The following AP2S1 variants were observed in gnomAD, a reference collection of about 807,000 sequenced individuals.
AP2S1 encodes AP-2 complex subunit sigma.
Under a neutral mutation model 21.0 loss-of-function variants are expected in AP2S1, and 6 were observed. That is an observed-to-expected ratio of 0.29 (90% CI 0.16 to 0.56). AP2S1 has a LOEUF of 0.56. AP2S1 is among the 20% of genes least tolerant of loss of function. The pLI is 0.92. For missense variants in AP2S1, 60 were observed against 186.2 expected (o/e 0.32, Z 3.95); for synonymous variants, 63 against 74.6 (o/e 0.84, Z 0.80).
chr19:46,838,543 G>A lies in AP2S1; in HGVS notation c.333C>T (p.Tyr111=). 1.9e-6 allele frequency: 3 copies of A among 1,614,210 alleles called. No homozygotes were observed. The highest frequency in any genetic ancestry group is 1.1e-5 in the South Asian group (1 of 91,090). ...CCAGGAACATCTCGTCCACGACCGT[G>A]TAAACCTGTGTGAGGGGAGACCCTG... is the stretch of plus-strand genomic sequence containing the variant. ...LDLVFNFYKV[Y]TVVDEMFLAG... The change falls in exon 5 of 5, where the codon TAC becomes TAT. Residue 111 remains tyrosine, a synonymous_variant. Transcript: ENST00000263270. This position sits in a 1 kb window ranked among gnomAD's most constrained non-coding sequence, Gnocchi z 4.1.
chr19:46,842,478 A>C (rs141384244), intron 2 of AP2S1, among the ~76,000 whole-genome samples: 47 of 152,290 alleles, frequency 3.1e-4, no homozygotes, highest in Non-Finnish European at 5.9e-4. Flanking sequence ...ACATTAGGTG[A>C]ATACATGCAC....
At chr19:46,840,198 C>A (rs925011825) in intron 2 of AP2S1, among the ~76,000 whole-genome samples, 3 of 151,832 alleles carry the variant, frequency 2.0e-5, no homozygotes, top group Non-Finnish European at 4.4e-5. Context: ...AACACAGACA[C>A]ACACCGTGAA....
At chr19:46,846,822 C>G (rs989305819) in intron 1 of AP2S1, among the ~76,000 whole-genome samples, 1 of 152,128 alleles carries the variant, frequency 6.6e-6, no homozygotes, top group African/African-American at 2.4e-5. Flanking sequence ...CCCGCCACCA[C>G]GCCTGGAAAA....
intron 2 of AP2S1, among the ~76,000 whole-genome samples, chr19:46,840,532 C>T (rs1393437773): frequency 6.6e-6 from 1 of 151,548 alleles, no homozygotes; most frequent in African/African-American, 2.4e-5. Context: ...CCCAGCTACT[C>T]GGGAGGCTGA....
At chr19:46,850,140 G>C (rs2055712498) in intron 1 of AP2S1, 1 of 1,231,918 alleles carries the variant, frequency 8.1e-7, no homozygotes, top group African/African-American at 1.6e-5. Flanking sequence ...TTACCTCCAG[G>C]TCCTCTCTCC....
chr19:46,849,557 T>A (rs1219981460), intron 1 of AP2S1, among the ~76,000 whole-genome samples: 1 of 151,892 alleles, frequency 6.6e-6, no homozygotes, highest in East Asian at 1.9e-4. Flanking sequence ...ACCCACAGAG[T>A]TGACAAAAAG....
chr19:46,850,690 C>T, intron 1 of AP2S1, 74 bp downstream of exon 1: 1 of 1,329,696 alleles, frequency 7.5e-7, no homozygotes, highest in Non-Finnish European at 1.1e-6. Flanking sequence ...GACTTGTCAG[C>T]GCCCGATCCA....
Position 46,838,530 on chromosome 19 carries a change from C to A in AP2S1, c.346G>T (p.Glu116Ter). Residue 116 changes from glutamate (E) to a stop codon, truncating the protein, a stop_gained, in exon 5 of 5, where the codon GAG becomes TAG. Coordinates refer to ENST00000263270, the MANE Select transcript of AP2S1 (RefSeq NM_004069.6). LOFTEE classifies it high-confidence loss of function. This position sits in a 1 kb window ranked among gnomAD's most constrained non-coding sequence, Gnocchi z 4.1. ...CGGATTTCGCCAGCCAGGAACATCT[C>A]GTCCACGACCGTGTAAACCTGTGTG... ...NFYKVYTVVD[E>*]MFLAGEIRET... The A allele has an allele frequency of 6.2e-7, 1 of 1,614,224 alleles. No individual in the cohort carries two copies. Among genetic ancestry groups the A allele is most frequent in the South Asian group, 1.1e-5 (1 of 91,080 alleles).
Position 46,838,480 on chromosome 19 carries a change from C to A in AP2S1, c.396G>T (p.Leu132=), listed in dbSNP as rs777173659. Residue 132 remains leucine, a synonymous_variant, in exon 5 of 5, where the codon CTG becomes CTT. Transcript: ENST00000263270. This position sits in a 1 kb window ranked among gnomAD's most constrained non-coding sequence, Gnocchi z 4.1. The part of the protein sequence containing the change: ...EIRETSQTKV[L]KQLLMLQSLE ...GGGACTGTAGCATCAGCAGCTGTTT[C>A]AGCACCTTCGTCTGGCTGGTCTCTC... The A allele has an allele frequency of 1.9e-6, 3 of 1,614,212 alleles. No individual in the cohort carries two copies. Among genetic ancestry groups the A allele is most frequent in the South Asian group, 2.2e-5 (2 of 91,088 alleles).
intron 1 of AP2S1, among the ~76,000 whole-genome samples, chr19:46,849,831 C>A (rs1234621580): frequency 6.6e-6 from 1 of 152,128 alleles, no homozygotes; most frequent in African/African-American, 2.4e-5. Flanking sequence ...CAAGCTTCCT[C>A]CCTTCTTCAA....
chr19:46,840,720 ATTT>A (rs781138883), intron 2 of AP2S1, among the ~76,000 whole-genome samples: 5 of 110,712 alleles, frequency 4.5e-5, no homozygotes, highest in Non-Finnish European at 5.2e-5. Context: ...AGTCTTCGGC[ATTT>A]TTTTTTTTTT....
At chr19:46,842,686 G>C (rs1435122600) in intron 2 of AP2S1, among the ~76,000 whole-genome samples, 1 of 152,022 alleles carries the variant, frequency 6.6e-6, no homozygotes, top group Non-Finnish European at 1.5e-5. Context: ...GCAGCAAGGT[G>C]CCCACACAGC....
intron 2 of AP2S1, among the ~76,000 whole-genome samples, chr19:46,843,442 C>A (rs2055564341): frequency 6.6e-6 from 1 of 152,176 alleles, no homozygotes; most frequent in African/African-American, 2.4e-5. Context: ...TAAAAATTAG[C>A]CAGGCGTGGT....
intron 3 of AP2S1, 150 bp downstream of exon 3, chr19:46,839,315 A>G (rs978987274): frequency 2.0e-5 from 14 of 699,628 alleles, no homozygotes; most frequent in East Asian, 1.2e-4. Flanking sequence ...AAAAAAAAAA[A>G]AAGAAAAAGA....
chr19:46,849,988 C>T (rs1443440184), intron 1 of AP2S1: 1 of 703,124 alleles, frequency 1.4e-6, no homozygotes, highest in Non-Finnish European at 2.0e-6. Flanking sequence ...GATAGGGGCA[C>T]TCCTAAATCC....
intron 2 of AP2S1, among the ~76,000 whole-genome samples, chr19:46,841,591 T>C (rs1408545849): frequency 6.6e-6 from 1 of 152,174 alleles, no homozygotes; most frequent in Non-Finnish European, 1.5e-5. Flanking sequence ...CGCCACTGTC[T>C]GGGGATGGGT....
chr19:46,838,371 T>C lies in AP2S1; in HGVS notation c.*76A>G. On this transcript the variant is annotated 3_prime_UTR_variant, in exon 5 of 5. Coordinates refer to ENST00000263270, the MANE Select transcript of AP2S1 (RefSeq NM_004069.6). The surrounding 1 kb of genome is among the most constrained non-coding windows in gnomAD (Gnocchi z 4.1). ...GCAGCTGAGGGAAGGACTGCTGGGT[T>C]GGCCACGGGCCTGGGAAGGGGAAGC... The C allele has an allele frequency of 6.9e-7, 1 of 1,445,700 alleles. No individual in the cohort carries two copies. Among genetic ancestry groups the C allele is most frequent in the Non-Finnish European group, 9.7e-7 (1 of 1,034,324 alleles). 89.6% of individuals were successfully genotyped at this position (1,445,700 alleles called of 1,614,324 possible).
chr19:46,844,363 C>A (rs1316822957), intron 2 of AP2S1, among the ~76,000 whole-genome samples: 1 of 152,170 alleles, frequency 6.6e-6, no homozygotes, highest in Non-Finnish European at 1.5e-5. Context: ...AAGTATTCTC[C>A]TGCCCCAGGG....
chr19:46,846,005 G>C lies in AP2S1; in HGVS notation c.141C>G (p.Thr47=). Residue 47 remains threonine (T), a synonymous_variant, in exon 2 of 5, where the codon ACC becomes ACG. Coordinates refer to ENST00000263270, the MANE Select transcript of AP2S1 (RefSeq NM_004069.6). ...AVVTVRDAKH[T]NFVEFRNFKI... Reference sequence around the variant, plus strand: ...GAGCGGGCGTCACCTCCACAAAGTTGGTGTGTTTGGCGTCTCGGACGGTGA... The same window carrying C: ...GAGCGGGCGTCACCTCCACAAAGTTCGTGTGTTTGGCGTCTCGGACGGTGA... 1 of 1,614,090 alleles carries C rather than the reference G, an allele frequency of 6.2e-7. No individual in the cohort carries two copies. The highest frequency in any genetic ancestry group is 8.5e-7 in the Non-Finnish European group (1 of 1,180,024).
Sources: allele counts gnomAD v4.1 joint callset (sites outside exome capture counted in the v4.1 genomes callset), GRCh38; gene constraint gnomAD v4.1.1; non-coding constraint Gnocchi (gnomAD v3.1); transcripts MANE v1.5; gene names NCBI Gene and HGNC (gene_info 2026-07-23, HGNC 2026-07-21).